PTPN13: variants seen among roughly 807,000 people sequenced by gnomAD.
PTPN13 encodes the protein protein tyrosine phosphatase non-receptor type 13.
In PTPN13, 191 loss-of-function variants were observed where a neutral mutation model predicts 284.0. That is an observed-to-expected ratio of 0.67 (90% CI 0.60 to 0.76). The LOEUF is 0.76. Ranked by LOEUF, PTPN13 falls within the 30% of genes least tolerant of loss-of-function variation. PTPN13 has a pLI of 0.00. For synonymous variants in PTPN13, 986 were observed against 1,022.3 expected, an observed-to-expected ratio of 0.96 and a Z score of 0.68; for missense variants, 2,797 against 2,939.9, an observed-to-expected ratio of 0.95 and a Z score of 1.12.
intron 1 of PTPN13, among the ~76,000 whole-genome samples, chr4:86,621,069 T>C (rs1409941001): frequency 6.6e-6 from 1 of 152,192 alleles, no homozygotes; most frequent in African/African-American, 2.4e-5. Flanking sequence ...TCTATTTGGA[T>C]CTTGTGCTTC....
chr4:86,694,075 T>A (rs1730328911), intron 6 of PTPN13, among the ~76,000 whole-genome samples: 1 of 151,770 alleles, frequency 6.6e-6, no homozygotes, highest in Non-Finnish European at 1.5e-5. Context: ...TACTGCACTC[T>A]GATATTTTTT....
intron 7 of PTPN13, among the ~76,000 whole-genome samples, chr4:86,713,224 C>A (rs1732636900): frequency 6.6e-6 from 1 of 151,928 alleles, no homozygotes; most frequent in African/African-American, 2.4e-5. Flanking sequence ...TCTTATTGTC[C>A]TGTATGTTGC....
At chr4:86,655,980 T>C (rs1436135579) in intron 2 of PTPN13, among the ~76,000 whole-genome samples, 1 of 152,152 alleles carries the variant, frequency 6.6e-6, no homozygotes, top group Non-Finnish European at 1.5e-5. Context: ...TTCTCGCTTC[T>C]TTTCATTTAT....
chr4:86,774,344 C>G lies in PTPN13; in HGVS notation c.5350-29C>G, dbSNP rs201778180. 5.1e-6 allele frequency: 8 copies of G among 1,580,782 alleles called. No individual in the cohort carries two copies. In the African/African-American group the frequency reaches 6.7e-5, roughly 13 times the overall value. On this transcript the variant is annotated intron_variant, in intron 32 of 47. Transcript: ENST00000411767. ...TTGTCTATAGTGCAGAATAGACAAC[C>G]TAAAAGTATTACTGCTTTTTTCCCT...
chr4:86,624,960 G>T (rs1721668449), intron 1 of PTPN13, among the ~76,000 whole-genome samples: 1 of 152,126 alleles, frequency 6.6e-6, no homozygotes. Context: ...AAGCACATGG[G>T]CAGGTATATG....
At chr4:86,775,743 A>C in intron 35 of PTPN13, 91 bp downstream of exon 35, 1 of 1,040,272 alleles carries the variant, frequency 9.6e-7, no homozygotes, top group Non-Finnish European at 1.4e-6. Flanking sequence ...TATATTACTG[A>C]ATTAGTAATT....
At chr4:86,686,459 C>A (rs776485951) in intron 3 of PTPN13, among the ~76,000 whole-genome samples, 2 of 152,080 alleles carry the variant, frequency 1.3e-5, no homozygotes, top group African/African-American at 2.4e-5. Context: ...GCATCAGGAA[C>A]TTTAAAAGCT....
chr4:86,613,661 G>T (rs955232983), intron 1 of PTPN13, among the ~76,000 whole-genome samples: 18 of 146,092 alleles, frequency 1.2e-4, no homozygotes, highest in Admixed American at 8.8e-4. Flanking sequence ...AGAGTTTGGG[G>T]AGTAGTGAGA....
intron 6 of PTPN13, among the ~76,000 whole-genome samples, chr4:86,698,676 CT>C (rs1359498280): frequency 6.6e-6 from 1 of 152,114 alleles, no homozygotes; most frequent in African/African-American, 2.4e-5. Flanking sequence ...TCATAACCAG[CT>C]TTTACTGAGA....
chr4:86,800,998 C>T (rs972896482), intron 42 of PTPN13, among the ~76,000 whole-genome samples: 13 of 152,184 alleles, frequency 8.5e-5, no homozygotes, highest in Non-Finnish European at 1.9e-4. Flanking sequence ...ATCATTGCTG[C>T]CTATATCTTA....
intron 1 of PTPN13, among the ~76,000 whole-genome samples, chr4:86,612,263 G>A (rs1023046318): frequency 2.0e-5 from 3 of 152,118 alleles, no homozygotes; most frequent in Non-Finnish European, 4.4e-5. Flanking sequence ...AGGAAAATAT[G>A]ATCTATAATG....
At chr4:86,809,557 G>A (rs1745001451) in intron 45 of PTPN13, among the ~76,000 whole-genome samples, 1 of 152,108 alleles carries the variant, frequency 6.6e-6, no homozygotes, top group African/African-American at 2.4e-5. Flanking sequence ...AATTAGCTGG[G>A]TGTGGCAATG....
At chr4:86,760,252 A>G (rs948368462) in intron 23 of PTPN13, among the ~76,000 whole-genome samples, 1 of 152,188 alleles carries the variant, frequency 6.6e-6, no homozygotes, top group Admixed American at 6.6e-5. Context: ...TATATAATCT[A>G]ATTATAATCT....
chr4:86,808,713 C>T (rs1167482810), intron 45 of PTPN13, among the ~76,000 whole-genome samples: 3 of 152,162 alleles, frequency 2.0e-5, no homozygotes, highest in South Asian at 4.1e-4. Flanking sequence ...AGTGATTTAT[C>T]CACTTAATCC....
In PTPN13 at chr4:86,626,834, C is replaced by G. The variant is rs561169608; in HGVS notation, c.-5-8418C>G. ...GCACAGAGGGTCAGTTCCCCCAACC[C>G]CTACGTTACTCAAGGGTCAGCTGTA... On this transcript the variant is annotated intron_variant, in intron 1 of 47. Coordinates refer to ENST00000411767, the MANE Select transcript of PTPN13 (RefSeq NM_080683.3). Among the ~76,000 whole-genome samples, 240 of 152,142 alleles carry G rather than the reference C, an allele frequency of 1.6e-3. 6 individuals are homozygous for G. Among genetic ancestry groups the G allele is most frequent in the Non-Finnish European group, 1.7e-3 (116 of 67,970 alleles).
intron 36 of PTPN13, 63 bp from the exon 37 acceptor site, chr4:86,782,138 T>A (rs1256018935): frequency 8.7e-7 from 1 of 1,143,130 alleles, no homozygotes; most frequent in Non-Finnish European, 1.3e-6. Context: ...TCTTTAATTA[T>A]TTTGATGTCC....
intron 1 of PTPN13, among the ~76,000 whole-genome samples, chr4:86,614,625 A>T (rs1371276101): frequency 1.3e-5 from 2 of 152,130 alleles, no homozygotes; most frequent in East Asian, 3.8e-4. Flanking sequence ...AAACATCAAG[A>T]TATATTTCCT....
chr4:86,760,093 G>T (rs1738501327), intron 23 of PTPN13, among the ~76,000 whole-genome samples: 1 of 152,084 alleles, frequency 6.6e-6, no homozygotes, highest in East Asian at 1.9e-4. Context: ...GAGTCATTTT[G>T]AGTATGATTT....
At chr4:86,764,856 A>G (rs1421413876) in intron 25 of PTPN13, 132 bp downstream of exon 25, 4 of 1,027,986 alleles carry the variant, frequency 3.9e-6, no homozygotes, top group African/African-American at 3.4e-5. Flanking sequence ...CTAAAACTGA[A>G]TCATATCTAA....
Sources: gnomAD v4.1 joint callset for allele counts (sites outside exome capture counted in the v4.1 genomes callset) on GRCh38, gnomAD v4.1.1 for gene constraint, MANE v1.5 for transcripts, NCBI Gene and HGNC (gene_info 2026-07-23, HGNC 2026-07-21) for gene names.